The following GALNT17 variants were observed in gnomAD, a reference collection of about 807,000 sequenced individuals.
GALNT17 encodes UDP-GalNAc:polypeptide N-acetylgalactosaminyltransferase-like 3.
GALNT17 carries 29 observed loss-of-function variants against 63.7 expected under a neutral mutation model. That is an observed-to-expected ratio of 0.46 (90% CI 0.34 to 0.62). The LOEUF is 0.62. GALNT17 is among the 20% of genes least tolerant of loss of function. The pLI is 0.01. For missense variants in GALNT17, 603 were observed against 799.6 expected (o/e 0.75, Z 2.97); for synonymous variants, 305 against 318.3 (o/e 0.96, Z 0.45).
At chr7:71,466,289 A>C (rs1787533984) in intron 5 of GALNT17, among the ~76,000 whole-genome samples, 2 of 152,200 alleles carry the variant, frequency 1.3e-5, no homozygotes, top group South Asian at 4.1e-4. Context: ...TTGAGGGGTC[A>C]GATATGCCTC....
chr7:71,499,599 G>A (rs574751522), intron 5 of GALNT17, among the ~76,000 whole-genome samples: 26 of 152,190 alleles, frequency 1.7e-4, no homozygotes, highest in African/African-American at 6.3e-4. Context: ...AAGATTCCAG[G>A]GAAATGCTTC....
chr7:71,621,553 A>ATAGATG (rs1790294336), intron 6 of GALNT17, among the ~76,000 whole-genome samples: 2 of 142,934 alleles, frequency 1.4e-5, no homozygotes, highest in African/African-American at 5.3e-5. Flanking sequence ...ATTGATGGAT[A>ATAGATG]GATGGATGGA....
intron 5 of GALNT17, among the ~76,000 whole-genome samples, chr7:71,449,194 C>CCCCCACCT (rs1396349416): frequency 7.2e-6 from 1 of 138,762 alleles, no homozygotes; most frequent in African/African-American, 2.7e-5. Flanking sequence ...CTCACTGCAG[C>CCCCCACCT]CCCCACCTAC....
At chr7:71,707,173 T>C (rs1364346534) in intron 9 of GALNT17, among the ~76,000 whole-genome samples, 1 of 152,166 alleles carries the variant, frequency 6.6e-6, no homozygotes, top group Non-Finnish European at 1.5e-5. Flanking sequence ...TTTTTTAATT[T>C]ATTAGGCAAC....
intron 1 of GALNT17, among the ~76,000 whole-genome samples, chr7:71,285,839 T>C (rs1790863450): frequency 6.6e-6 from 1 of 152,216 alleles, no homozygotes; most frequent in African/African-American, 2.4e-5. Flanking sequence ...CAGTCTATGG[T>C]ATTTTTGTTA....
chr7:71,354,904 C>T (rs1012690851), intron 2 of GALNT17, among the ~76,000 whole-genome samples: 1 of 152,148 alleles, frequency 6.6e-6, no homozygotes, highest in African/African-American at 2.4e-5. Flanking sequence ...GTTTCTGTCT[C>T]TAATGATGTC....
intron 2 of GALNT17, among the ~76,000 whole-genome samples, chr7:71,336,985 C>T (rs1791920247): frequency 6.6e-6 from 1 of 152,158 alleles, no homozygotes; most frequent in South Asian, 2.1e-4. Context: ...TCTTCACAAC[C>T]TCTCCAGCAT....
intron 5 of GALNT17, among the ~76,000 whole-genome samples, chr7:71,541,076 TA>T (rs553094056): frequency 3.0e-4 from 44 of 148,340 alleles, no homozygotes; most frequent in African/African-American, 7.9e-4. Context: ...TCGTCTCTAC[TA>T]AAAAAAAAAT....
At chr7:71,349,940 A>G (rs951991268) in intron 2 of GALNT17, among the ~76,000 whole-genome samples, 2 of 152,202 alleles carry the variant, frequency 1.3e-5, no homozygotes, top group Non-Finnish European at 2.9e-5. Flanking sequence ...GGTTGCGCTT[A>G]GGCAATATTA....
intron 6 of GALNT17, among the ~76,000 whole-genome samples, chr7:71,627,019 A>G (rs1034248251): frequency 6.6e-6 from 1 of 152,210 alleles, no homozygotes; most frequent in Non-Finnish European, 1.5e-5. Context: ...GTAAAGGAAC[A>G]TGAATTAAGA....
intron 9 of GALNT17, among the ~76,000 whole-genome samples, chr7:71,687,369 G>A (rs984181695): frequency 1.1e-4 from 16 of 152,162 alleles, no homozygotes; most frequent in African/African-American, 2.7e-4. Flanking sequence ...CTGGCGTGAC[G>A]GGGCTCTGGC....
chr7:71,367,192 C>G (rs2527301), intron 2 of GALNT17, among the ~76,000 whole-genome samples: 7,407 of 152,240 alleles, frequency 0.049, 625 homozygotes, highest in African/African-American at 0.17. Context: ...TAATCTTATC[C>G]ATCTACTTCT....
intron 1 of GALNT17, among the ~76,000 whole-genome samples, chr7:71,218,915 T>C (rs1302729001): frequency 5.3e-5 from 8 of 152,096 alleles, no homozygotes; most frequent in Non-Finnish European, 1.0e-4. Flanking sequence ...GAGTAAGTAG[T>C]AATAATAGCA....
chr7:71,395,359 C>A (rs1793119606), intron 3 of GALNT17, among the ~76,000 whole-genome samples: 1 of 152,122 alleles, frequency 6.6e-6, no homozygotes, highest in Admixed American at 6.5e-5. Flanking sequence ...TTCCTGGCTT[C>A]TTTCACTGAA....
chr7:71,625,419 TA>T, intron 6 of GALNT17, among the ~76,000 whole-genome samples: 1 of 152,308 alleles, frequency 6.6e-6, no homozygotes, highest in African/African-American at 2.4e-5. Flanking sequence ...GTGCTGGGAT[TA>T]TAGGCGTGAG....
intron 2 of GALNT17, among the ~76,000 whole-genome samples, chr7:71,343,970 A>G (rs1318524712): frequency 1.3e-5 from 2 of 151,328 alleles, no homozygotes; most frequent in African/African-American, 4.9e-5. Context: ...ACTAAAAATG[A>G]TTTTTTGACT....
intron 4 of GALNT17, among the ~76,000 whole-genome samples, chr7:71,418,670 G>A (rs371890574): frequency 6.6e-6 from 1 of 152,214 alleles, no homozygotes; most frequent in East Asian, 1.9e-4. Context: ...TGGAGACTGG[G>A]GGAAGGAGTG....
chr7:71,697,254 A>G (rs1025297328), intron 9 of GALNT17, among the ~76,000 whole-genome samples: 1 of 152,174 alleles, frequency 6.6e-6, no homozygotes, highest in Non-Finnish European at 1.5e-5. Context: ...AGGACTGGGT[A>G]GGGTAGATGG....
intron 6 of GALNT17, among the ~76,000 whole-genome samples, chr7:71,601,180 G>A (rs58633278): frequency 0.27 from 41,558 of 151,286 alleles, 5,926 homozygotes; most frequent in African/African-American, 0.31. Flanking sequence ...TTATCCACTC[G>A]TTGATTGATG....
Sources: allele counts gnomAD v4.1 joint callset (sites outside exome capture counted in the v4.1 genomes callset), GRCh38; gene constraint gnomAD v4.1.1; transcripts MANE v1.5; gene names NCBI Gene and HGNC (gene_info 2026-07-23, HGNC 2026-07-21).